TANC2: variants seen among roughly 807,000 people sequenced by gnomAD.
The protein encoded by TANC2 is tetratricopeptide repeat, ankyrin repeat and coiled-coil containing 2.
In TANC2, 26 loss-of-function variants were observed where a neutral mutation model predicts 210.5. That is an observed-to-expected ratio of 0.12 (90% confidence interval 0.09 to 0.17). The LOEUF (loss-of-function observed/expected upper bound fraction) is 0.17. Among genes scored for constraint, TANC2 ranks in the 10% least tolerant of loss-of-function variants. The pLI, the probability that TANC2 is intolerant of heterozygous loss-of-function variation, is 1.00. For missense variants in TANC2, 2,129 were observed against 2,608.9 expected, an observed-to-expected ratio of 0.82 and a Z score of 4.01; for synonymous variants, 931 against 967.1, an observed-to-expected ratio of 0.96 and a Z score of 0.69.
At chr17:63,100,373 A>G (rs1349973041) in intron 4 of TANC2, among the ~76,000 whole-genome samples, 2 of 152,116 alleles carry the variant, frequency 1.3e-5, no homozygotes, top group African/African-American at 2.4e-5. Context: ...TATTATTGGC[A>G]TTTTCAAAAA....
intron 4 of TANC2, among the ~76,000 whole-genome samples, chr17:63,143,741 TA>T (rs1446513116): frequency 6.6e-6 from 1 of 152,218 alleles, no homozygotes; most frequent in Non-Finnish European, 1.5e-5. Flanking sequence ...TTATAGATTT[TA>T]AATGATGACA....
intron 6 of TANC2, among the ~76,000 whole-genome samples, chr17:63,197,071 A>G (rs1669518094): frequency 6.6e-6 from 1 of 152,202 alleles, no homozygotes. Context: ...AAGCTGTAAA[A>G]TGTCATATAA....
chr17:63,019,558 TGTA>T (rs2034259909), intron 2 of TANC2, among the ~76,000 whole-genome samples: 1 of 152,142 alleles, frequency 6.6e-6, no homozygotes, highest in Admixed American at 6.6e-5. Context: ...GGTATCTCAT[TGTA>T]GTTTTTTAAA....
intron 8 of TANC2, among the ~76,000 whole-genome samples, chr17:63,240,384 A>G (rs2146076220): frequency 6.6e-6 from 1 of 152,294 alleles, no homozygotes; most frequent in East Asian, 1.9e-4. Flanking sequence ...CTTAACATCA[A>G]CATTGTGTAT....
At chr17:63,249,198 AT>A (rs2042992209) in intron 8 of TANC2, among the ~76,000 whole-genome samples, 1 of 152,170 alleles carries the variant, frequency 6.6e-6, no homozygotes, top group African/African-American at 2.4e-5. Flanking sequence ...AAGGCTCGGA[AT>A]TTTCTGGAGT....
intron 15 of TANC2, among the ~76,000 whole-genome samples, chr17:63,381,920 G>A (rs903933579): frequency 6.6e-6 from 1 of 152,190 alleles, no homozygotes; most frequent in Non-Finnish European, 1.5e-5. Flanking sequence ...ATACTGAAGA[G>A]GCACTTTTTC....
At chr17:63,121,447 A>G (rs945723693) in intron 4 of TANC2, among the ~76,000 whole-genome samples, 6 of 151,906 alleles carry the variant, frequency 3.9e-5, no homozygotes, top group African/African-American at 1.5e-4. Context: ...ATTCCTCTCC[A>G]TTGGCCTACA....
At chr17:63,102,204 A>G (rs1382979355) in intron 4 of TANC2, among the ~76,000 whole-genome samples, 1 of 152,094 alleles carries the variant, frequency 6.6e-6, no homozygotes, top group Non-Finnish European at 1.5e-5. Context: ...CTAGCTACCA[A>G]GGAGGCTACG....
Position 63,247,579 on chromosome 17 carries a change from G to T in TANC2, c.1033+9502G>T, listed in dbSNP as rs1323869639. ...TACATCTGTAGACTAGACCTTAATT[G>T]TGAATGATTTTTTTATTTACCACAA... is the stretch of plus-strand genomic sequence containing the variant. On this transcript the variant is annotated intron_variant, in intron 8 of 27. Coordinates refer to ENST00000689528, the Ensembl canonical transcript of TANC2. Among the ~76,000 whole-genome samples the T allele has an allele frequency of 4.6e-5, 7 of 151,150 alleles. No homozygotes were observed. In the East Asian group the frequency reaches 1.4e-3, roughly 29 times the overall value.
chr17:63,402,318 A>G (rs2048367448), intron 19 of TANC2, among the ~76,000 whole-genome samples: 1 of 152,152 alleles, frequency 6.6e-6, no homozygotes, highest in African/African-American at 2.4e-5. Context: ...CCCTCATACC[A>G]AGGACATATC....
chr17:62,999,519 A>G (rs1254806702), intron 1 of TANC2, among the ~76,000 whole-genome samples: 1 of 148,864 alleles, frequency 6.7e-6, no homozygotes, highest in Non-Finnish European at 1.5e-5. Context: ...ACGTATGTGC[A>G]CCCAACACAG....
At chr17:63,282,619 A>T (rs1407081762) in intron 9 of TANC2, among the ~76,000 whole-genome samples, 1 of 152,116 alleles carries the variant, frequency 6.6e-6, no homozygotes. Context: ...AATGATATTC[A>T]AAGTGGTTGT....
At chr17:63,374,032 GTT>G (rs35801082) in intron 14 of TANC2, among the ~76,000 whole-genome samples, 7 of 93,532 alleles carry the variant, frequency 7.5e-5, no homozygotes, top group Admixed American at 1.3e-4. Context: ...GTTGTTGTTG[GTT>G]TTTTTTTTTT....
chr17:63,024,998 T>C (rs560705465), intron 2 of TANC2, among the ~76,000 whole-genome samples: 3 of 152,342 alleles, frequency 2.0e-5, no homozygotes, highest in South Asian at 4.1e-4. Context: ...AGAAATACTT[T>C]GAGAAATTTG....
chr17:62,993,210 A>G (rs1053035620), intron 1 of TANC2, among the ~76,000 whole-genome samples: 2 of 152,232 alleles, frequency 1.3e-5, no homozygotes, highest in Non-Finnish European at 2.9e-5. Context: ...GTAAGGTAAC[A>G]TTCACAAATT....
At chr17:62,986,963 T>C (rs373915522) in intron 1 of TANC2, among the ~76,000 whole-genome samples, 2 of 152,088 alleles carry the variant, frequency 1.3e-5, no homozygotes, top group East Asian at 1.9e-4. Context: ...TGCATGTCCA[T>C]TGGGTTAGCC....
chr17:63,402,298 T>G (rs2048366695), intron 19 of TANC2, among the ~76,000 whole-genome samples: 1 of 152,216 alleles, frequency 6.6e-6, no homozygotes. Flanking sequence ...AACCTCTTCC[T>G]CTGTGCCTTC....
chr17:63,162,193 A>G (rs993690643), intron 5 of TANC2, among the ~76,000 whole-genome samples: 1 of 152,104 alleles, frequency 6.6e-6, no homozygotes, highest in Non-Finnish European at 1.5e-5. Flanking sequence ...AGTTCCAGCT[A>G]CTTGGAAGGC....
At chr17:63,334,562 G>A (rs1433034105) in intron 11 of TANC2, among the ~76,000 whole-genome samples, 1 of 152,074 alleles carries the variant, frequency 6.6e-6, no homozygotes, top group South Asian at 2.1e-4. Flanking sequence ...TCACTATTAG[G>A]CAAACACTCA....
Sources: allele counts gnomAD v4.1 joint callset (sites outside exome capture counted in the v4.1 genomes callset), GRCh38; gene constraint gnomAD v4.1.1; transcripts MANE v1.5; gene names NCBI Gene and HGNC (gene_info 2026-07-23, HGNC 2026-07-21).